Variants in RIMS1 observed in about 807,000 individuals in gnomAD.
RIMS1 encodes regulating synaptic membrane exocytosis protein 1.
In RIMS1, 83 loss-of-function variants were observed where a neutral mutation model predicts 214.1. The ratio of observed to expected loss-of-function variants is 0.39; its 90% CI spans 0.32 to 0.47. The LOEUF (loss-of-function observed/expected upper bound fraction) is 0.47, where lower values mean the gene tolerates loss of function less well. Among genes scored for constraint, RIMS1 ranks in the 20% least tolerant of loss-of-function variants. The pLI, the probability that RIMS1 is intolerant of heterozygous loss-of-function variation, is 0.99. For missense variants in RIMS1, 2,050 were observed against 2,161.8 expected (o/e 0.95, Z 1.03); for synonymous variants, 793 against 786.8 (o/e 1.01, Z -0.13).
chr6:72,192,207 C>T (rs1490545825), intron 6 of RIMS1, among the ~76,000 whole-genome samples: 2 of 152,200 alleles, frequency 1.3e-5, no homozygotes, highest in Non-Finnish European at 2.9e-5. Flanking sequence ...TAAGCCCTTA[C>T]TTAAACTGGA....
chr6:72,366,881 C>T, intron 29 of RIMS1: 1 of 977,830 alleles, frequency 1.0e-6, no homozygotes, highest in Non-Finnish European at 1.2e-6. Context: ...GTCTATGTTC[C>T]TTATATGTAT....
At chr6:72,240,930 C>T (rs556391132) in intron 9 of RIMS1, among the ~76,000 whole-genome samples, 3 of 152,086 alleles carry the variant, frequency 2.0e-5, no homozygotes, top group Non-Finnish European at 4.4e-5. Context: ...GCAGGAGGAT[C>T]GCTTGAACCT....
At chr6:72,003,854 C>T (rs75822176) in intron 2 of RIMS1, among the ~76,000 whole-genome samples, 17,388 of 148,674 alleles carry the variant, frequency 0.12, 1,184 homozygotes, top group South Asian at 0.18. Context: ...CTTTTTTTTT[C>T]GATTTTCCTT....
At chr6:72,388,696 T>C (rs2098654471) in intron 29 of RIMS1, among the ~76,000 whole-genome samples, 1 of 152,114 alleles carries the variant, frequency 6.6e-6, no homozygotes, top group Non-Finnish European at 1.5e-5. Context: ...TGATGCATTT[T>C]GAAGGCAAAG....
chr6:72,004,322 A>G (rs1405515255), intron 2 of RIMS1, among the ~76,000 whole-genome samples: 1 of 152,110 alleles, frequency 6.6e-6, no homozygotes, highest in East Asian at 1.9e-4. Flanking sequence ...TAGTGCCGCA[A>G]TAAACATATA....
intron 2 of RIMS1, among the ~76,000 whole-genome samples, chr6:72,038,118 A>AAAAATATAT (rs1820399900): frequency 1.5e-4 from 2 of 13,418 alleles, no homozygotes; most frequent in Non-Finnish European, 1.2e-4. Flanking sequence ...AAAAAAAAAA[A>AAAAATATAT]ATATATATAT....
rs150565888 is a variant in RIMS1 at position 72,074,784 on chromosome 6, G to C, written c.246-22165G>C. The stretch of plus-strand genomic sequence containing the variant: ...GTGTATTGTTTCTGCAGTTTAGATA[G>C]CTGCTGCTGTAAACAGTAAGTACTT... On this transcript the variant is annotated intron_variant, in intron 2 of 33. Transcript: ENST00000521978. Among the ~76,000 whole-genome samples, 869 of 152,288 alleles carry C rather than the reference G, an allele frequency of 5.7e-3. 7 individuals carry two copies. Among genetic ancestry groups the C allele is most frequent in the African/African-American group, 0.02 (813 of 41,556 alleles).
intron 6 of RIMS1, among the ~76,000 whole-genome samples, chr6:72,199,423 A>G (rs1380600550): frequency 6.6e-6 from 1 of 152,096 alleles, no homozygotes; most frequent in Admixed American, 6.6e-5. Context: ...GTTCTAGGGT[A>G]TTTAGATGTA....
intron 4 of RIMS1, among the ~76,000 whole-genome samples, chr6:72,161,303 G>A (rs536081513): frequency 7.2e-6 from 1 of 139,756 alleles, no homozygotes; most frequent in South Asian, 2.4e-4. Flanking sequence ...CTTGCTAGCA[G>A]TCTATCAATT....
Position 71,887,065 on chromosome 6 carries a change from G to A in RIMS1, c.42G>A (p.Thr14=). ...AVGPRGPRPP[T]VPPPMQELPD... is the part of the protein sequence containing the mutation. ...GGCCCCGCGGTCCTCGCCCACCCAC[G>A]GTGCCTCCCCCCATGCAAGAGCTGC... Residue 14 remains threonine, a synonymous_variant, in exon 1 of 34, where the codon ACG becomes ACA. Transcript: ENST00000521978. 2 of 1,613,506 alleles carry A rather than the reference G, an allele frequency of 1.2e-6. No individual in the cohort carries two copies. The highest frequency in any genetic ancestry group is 1.7e-6 in the Non-Finnish European group (2 of 1,179,708).
intron 1 of RIMS1, among the ~76,000 whole-genome samples, chr6:71,936,566 A>G (rs1209160250): frequency 6.6e-6 from 1 of 152,212 alleles, no homozygotes; most frequent in Non-Finnish European, 1.5e-5. Flanking sequence ...AACAATGAAC[A>G]GTGTTATCTT....
intron 4 of RIMS1, among the ~76,000 whole-genome samples, chr6:72,122,881 G>C (rs2038701206): frequency 6.6e-6 from 1 of 151,452 alleles, no homozygotes; most frequent in Admixed American, 6.6e-5. Context: ...TTCTTTATTA[G>C]TCTTGCTAGT....
At chr6:72,107,739 T>C (rs2035053771) in intron 4 of RIMS1, among the ~76,000 whole-genome samples, 1 of 152,106 alleles carries the variant, frequency 6.6e-6, no homozygotes, top group Non-Finnish European at 1.5e-5. Context: ...ACCAAATAAA[T>C]TTCATATTTG....
chr6:72,293,136 T>G (rs1239381046), intron 26 of RIMS1, among the ~76,000 whole-genome samples: 1 of 151,518 alleles, frequency 6.6e-6, no homozygotes, highest in African/African-American at 2.4e-5. Flanking sequence ...TGTAGATTTT[T>G]AAAGGTATCA....
At chr6:72,055,494 T>C (rs1196611604) in intron 2 of RIMS1, among the ~76,000 whole-genome samples, 1 of 152,194 alleles carries the variant, frequency 6.6e-6, no homozygotes, top group South Asian at 2.1e-4. Context: ...TTAGATGCTT[T>C]TATATTTTTC....
rs1467302677 is a variant in RIMS1 at position 72,162,393 on chromosome 6, G to A, written c.472-17182G>A. ...GAGCATTTAGCCCATTGACATTTAA[G>A]GTTAATATTGTTATGTATGAATTTG... On this transcript the variant is annotated intron_variant, in intron 4 of 33. Transcript: ENST00000521978. 2.0e-4 allele frequency among the ~76,000 whole-genome samples: 28 copies of A among 140,482 alleles called. 3 individuals carry two copies. The highest frequency in any genetic ancestry group is 1.5e-3 in the Admixed American group (21 of 13,722). 92.2% of individuals were successfully genotyped at this position (140,482 alleles called of 152,430 possible).
chr6:72,218,693 C>T, intron 6 of RIMS1, among the ~76,000 whole-genome samples: 1 of 152,074 alleles, frequency 6.6e-6, no homozygotes, highest in Admixed American at 6.6e-5. Context: ...AGTAGACACC[C>T]ACCATTATGA....
intron 2 of RIMS1, among the ~76,000 whole-genome samples, chr6:72,004,460 G>C (rs1472809952): frequency 1.1e-4 from 16 of 152,066 alleles, no homozygotes; most frequent in Middle Eastern, 3.4e-3. Flanking sequence ...CTTCCACAAT[G>C]GTTGAAGTAG....
chr6:71,895,784 A>G lies in RIMS1; in HGVS notation c.164+8597A>G, dbSNP rs529800115. Among the ~76,000 whole-genome samples, 3 of 151,254 alleles carry G rather than the reference A, an allele frequency of 2.0e-5. No homozygotes were observed. The East Asian group carries it at 5.9e-4, about 30-fold the overall frequency. ...ATGTGGTTTTTATTCTGGAAAAAATAGGCAGATTGTATATGAAGTACCTAG... is the reference window on the plus strand; with the variant it reads ...ATGTGGTTTTTATTCTGGAAAAAATGGGCAGATTGTATATGAAGTACCTAG... On this transcript the variant is annotated intron_variant, in intron 1 of 33. Coordinates refer to ENST00000521978, the MANE Select transcript of RIMS1 (RefSeq NM_014989.7).
Sources: allele counts gnomAD v4.1 joint callset (sites outside exome capture counted in the v4.1 genomes callset), GRCh38; gene constraint gnomAD v4.1.1; transcripts MANE v1.5; gene names NCBI Gene and HGNC (gene_info 2026-07-23, HGNC 2026-07-21).